Variants in ZNF407 observed in about 807,000 individuals in gnomAD.
ZNF407 encodes the protein zinc finger protein 407.
In ZNF407, 17 loss-of-function variants were observed where a neutral mutation model predicts 131.2. The ratio of observed to expected loss-of-function variants is 0.13; its 90% CI spans 0.09 to 0.19. The LOEUF is 0.19. Ranked by LOEUF, ZNF407 falls within the 10% of genes least tolerant of loss-of-function variation. The probability of loss-of-function intolerance (pLI) is 1.00; values close to 1 mark genes in which losing one functional copy is unlikely to be tolerated. For synonymous variants in ZNF407, 1,156 were observed against 1,062.0 expected (o/e 1.09, Z -1.72); for missense variants, 2,681 against 2,830.6 (o/e 0.95, Z 1.20).
At chr18:74,643,535 T>A (rs1034174394) in intron 3 of ZNF407, among the ~76,000 whole-genome samples, 4 of 152,002 alleles carry the variant, frequency 2.6e-5, no homozygotes, top group African/African-American at 9.7e-5. Flanking sequence ...TAGTCTTGAT[T>A]AATAATATAA....
intron 8 of ZNF407, among the ~76,000 whole-genome samples, chr18:75,023,230 A>ACC (rs1159721513): frequency 5.9e-5 from 9 of 152,120 alleles, no homozygotes; most frequent in African/African-American, 2.2e-4. Flanking sequence ...ACTGGGCTTA[A>ACC]TACACCATGT....
intron 4 of ZNF407, among the ~76,000 whole-genome samples, chr18:74,810,366 T>C (rs1200734022): frequency 2.0e-5 from 3 of 152,110 alleles, no homozygotes; most frequent in Non-Finnish European, 2.9e-5. Flanking sequence ...TTTTTTTTTT[T>C]TTAAATCAGT....
chr18:74,973,262 C>T (rs1297775299), intron 8 of ZNF407, among the ~76,000 whole-genome samples: 3 of 152,132 alleles, frequency 2.0e-5, no homozygotes, highest in Non-Finnish European at 4.4e-5. Context: ...GACCATCTCT[C>T]ATTTATAAAA....
chr18:74,825,783 A>G (rs1276617176), intron 4 of ZNF407, among the ~76,000 whole-genome samples: 2 of 152,168 alleles, frequency 1.3e-5, no homozygotes. Context: ...CTAACAATCT[A>G]ATTTTCTGTC....
chr18:74,715,446 C>T (rs1045631114), intron 3 of ZNF407, among the ~76,000 whole-genome samples: 38 of 152,280 alleles, frequency 2.5e-4, no homozygotes, highest in African/African-American at 7.5e-4. Context: ...AAATGTGATG[C>T]AGTGCGAGCG....
intron 3 of ZNF407, among the ~76,000 whole-genome samples, chr18:74,735,327 G>T (rs1047730723): frequency 6.6e-6 from 1 of 152,142 alleles, no homozygotes; most frequent in African/African-American, 2.4e-5. Context: ...ATTGGCAAGT[G>T]GTCCTCATTT....
intron 3 of ZNF407, among the ~76,000 whole-genome samples, chr18:74,768,544 T>C (rs563881922): frequency 6.6e-6 from 1 of 152,356 alleles, no homozygotes; most frequent in South Asian, 2.1e-4. Flanking sequence ...ACCAGAATTA[T>C]ATGCTTGGAT....
intron 8 of ZNF407, among the ~76,000 whole-genome samples, chr18:74,935,931 C>G (rs550261808): frequency 6.6e-6 from 1 of 152,108 alleles, no homozygotes; most frequent in African/African-American, 2.4e-5. Context: ...ATATTTCTGG[C>G]CTTTTCTCCC....
intron 6 of ZNF407, among the ~76,000 whole-genome samples, chr18:74,882,828 C>T (rs75662551): frequency 0.027 from 4,147 of 152,262 alleles, 170 homozygotes; most frequent in African/African-American, 0.092. Context: ...AAATTGGAAA[C>T]ATTTATGGTA....
At chr18:74,849,848 G>A (rs1189600718) in intron 4 of ZNF407, among the ~76,000 whole-genome samples, 5 of 152,212 alleles carry the variant, frequency 3.3e-5, no homozygotes, top group Non-Finnish European at 5.9e-5. Context: ...GCTGTGTAGA[G>A]TTTGATTTCC....
At chr18:74,659,194 G>A (rs1985608587) in intron 3 of ZNF407, among the ~76,000 whole-genome samples, 1 of 152,084 alleles carries the variant, frequency 6.6e-6, no homozygotes, top group African/African-American at 2.4e-5. Context: ...ATTTTTCAAA[G>A]ATTGGATTTT....
intron 8 of ZNF407, among the ~76,000 whole-genome samples, chr18:75,055,149 A>C (rs2122275271): frequency 6.6e-6 from 1 of 152,358 alleles, no homozygotes; most frequent in East Asian, 1.9e-4. Context: ...TATTTCAAAT[A>C]GGACTGAAGA....
chr18:75,034,636 G>T (rs924166465), intron 8 of ZNF407, among the ~76,000 whole-genome samples: 13 of 151,642 alleles, frequency 8.6e-5, no homozygotes, highest in African/African-American at 2.4e-4. Flanking sequence ...TCATTGGTAG[G>T]ATGTAGTGAT....
At chr18:74,870,213 G>T (rs987845702) in intron 4 of ZNF407, among the ~76,000 whole-genome samples, 1 of 152,178 alleles carries the variant, frequency 6.6e-6, no homozygotes, top group African/African-American at 2.4e-5. Flanking sequence ...AGAAAAATAT[G>T]TTTCACAGCT....
intron 8 of ZNF407, among the ~76,000 whole-genome samples, chr18:75,035,710 A>G (rs1445954001): frequency 1.3e-5 from 2 of 152,258 alleles, no homozygotes; most frequent in Non-Finnish European, 2.9e-5. Context: ...TAGACAGCTC[A>G]TCCCAGTGAA....
At chr18:74,628,029 C>T (rs896711215) in intron 1 of ZNF407, among the ~76,000 whole-genome samples, 2 of 152,012 alleles carry the variant, frequency 1.3e-5, no homozygotes, top group Non-Finnish European at 2.9e-5. Context: ...TTCACACCAC[C>T]ACAGCTGGCT....
chr18:75,034,683 A>G (rs1973287247), intron 8 of ZNF407, among the ~76,000 whole-genome samples: 1 of 152,078 alleles, frequency 6.6e-6, no homozygotes, highest in Non-Finnish European at 1.5e-5. Flanking sequence ...ACAAAACCAA[A>G]AAATGGTTTA....
chr18:74,734,710 T>TGTGTGTGTGTG (rs1491165065), intron 3 of ZNF407, among the ~76,000 whole-genome samples: 1 of 115,862 alleles, frequency 8.6e-6, no homozygotes, highest in Admixed American at 7.6e-5. Context: ...TGTGTGTGTG[T>TGTGTGTGTGTG]TTTTGAGAGA....
chr18:75,041,106 T>C (rs773826137), intron 8 of ZNF407, among the ~76,000 whole-genome samples: 36 of 152,190 alleles, frequency 2.4e-4, no homozygotes, highest in Non-Finnish European at 4.0e-4. Flanking sequence ...TCCCGCAAGG[T>C]GTCAGTGCCC....
Sources: allele counts gnomAD v4.1 joint callset (sites outside exome capture counted in the v4.1 genomes callset), GRCh38; gene constraint gnomAD v4.1.1; transcripts MANE v1.5; gene names NCBI Gene and HGNC (gene_info 2026-07-23, HGNC 2026-07-21).